Variants in SRGAP2 observed in about 807,000 individuals in gnomAD.
SRGAP2 encodes SLIT-ROBO Rho GTPase activating protein 2.
SRGAP2 carries 15 observed loss-of-function variants against 57.2 expected under a neutral mutation model. The ratio of observed to expected loss-of-function variants is 0.26; its 90% CI spans 0.18 to 0.40. The LOEUF (loss-of-function observed/expected upper bound fraction) is 0.40. Among genes scored for constraint, SRGAP2 ranks in the 10% least tolerant of loss-of-function variants. SRGAP2 has a pLI of 1.00. For missense variants in SRGAP2, 520 were observed against 669.6 expected, an observed-to-expected ratio of 0.78 and a Z score of 2.47; for synonymous variants, 249 against 248.0, an observed-to-expected ratio of 1.00 and a Z score of -0.04.
chr1:206,444,139 A>C (rs1311497095), intron 17 of SRGAP2, among the ~76,000 whole-genome samples: 8 of 151,978 alleles, frequency 5.3e-5, no homozygotes, highest in African/African-American at 1.9e-4. Flanking sequence ...TCAGTGAGCC[A>C]AGATTGTACC....
chr1:206,435,753 A>C (rs921627965), intron 14 of SRGAP2, among the ~76,000 whole-genome samples: 1 of 152,218 alleles, frequency 6.6e-6, no homozygotes, highest in Non-Finnish European at 1.5e-5. Flanking sequence ...CCAGAGAATG[A>C]GATTGTTGCC....
chr1:206,225,719 C>CT (rs1273046790), intron 2 of SRGAP2, among the ~76,000 whole-genome samples: 1 of 152,112 alleles, frequency 6.6e-6, no homozygotes, highest in African/African-American at 2.4e-5. Flanking sequence ...TTACCTTTCA[C>CT]TTTCAGAAAT....
intron 2 of SRGAP2, among the ~76,000 whole-genome samples, chr1:206,296,033 G>A (rs1415739591): frequency 6.7e-6 from 1 of 148,578 alleles, no homozygotes; most frequent in Non-Finnish European, 1.5e-5. Context: ...ACCATGCCTG[G>A]CCTAGGCAAA....
chr1:206,429,670 G>A (rs557039417), intron 13 of SRGAP2, among the ~76,000 whole-genome samples: 1 of 152,372 alleles, frequency 6.6e-6, no homozygotes, highest in African/African-American at 2.4e-5. Context: ...GCAAGGCCGT[G>A]TAAGAGAGTA....
intron 4 of SRGAP2, among the ~76,000 whole-genome samples, chr1:206,370,358 G>C (rs2103019317): frequency 6.6e-6 from 1 of 152,226 alleles, no homozygotes; most frequent in Admixed American, 6.5e-5. Flanking sequence ...TTAAAGTATG[G>C]CATACCTATA....
chr1:206,214,059 G>A (rs1666487309), intron 2 of SRGAP2, among the ~76,000 whole-genome samples: 1 of 152,102 alleles, frequency 6.6e-6, no homozygotes. Flanking sequence ...TACTCAGAAT[G>A]TTCTTAATAT....
intron 17 of SRGAP2, 53 bp downstream of exon 17, chr1:206,440,134 A>T: frequency 1.3e-6 from 1 of 765,824 alleles, no homozygotes; most frequent in South Asian, 1.4e-5. Flanking sequence ...TGGGCACTGG[A>T]AGTTCCTCTA....
chr1:206,412,438 G>C (rs1659301226), intron 10 of SRGAP2, among the ~76,000 whole-genome samples: 1 of 152,186 alleles, frequency 6.6e-6, no homozygotes, highest in Admixed American at 6.5e-5. Context: ...TTATTTTGGT[G>C]AATACCTAGA....
At chr1:206,203,808 C>T in intron 1 of SRGAP2, 158 bp downstream of exon 1, 1 of 1,531,706 alleles carries the variant, frequency 6.5e-7, no homozygotes, top group Non-Finnish European at 8.8e-7. Flanking sequence ...GCCCCCCCTC[C>T]ACCCTCTCCA....
intron 13 of SRGAP2, among the ~76,000 whole-genome samples, chr1:206,423,229 A>G (rs1660470278): frequency 6.6e-6 from 1 of 151,942 alleles, no homozygotes; most frequent in African/African-American, 2.4e-5. Flanking sequence ...CCTGGCCATG[A>G]CTTCATATCT....
chr1:206,354,629 A>G (rs1355643381), intron 4 of SRGAP2, among the ~76,000 whole-genome samples: 1 of 152,162 alleles, frequency 6.6e-6, no homozygotes, highest in Non-Finnish European at 1.5e-5. Context: ...GTATGTTATA[A>G]ATAATGCTGC....
At chr1:206,347,211 CA>C (rs1369848771) in intron 4 of SRGAP2, among the ~76,000 whole-genome samples, 1 of 150,292 alleles carries the variant, frequency 6.7e-6, no homozygotes, top group Non-Finnish European at 1.5e-5. Flanking sequence ...ATAATCATGC[CA>C]CTGTACTCTA....
chr1:206,319,074 CT>C (rs1283943886), intron 3 of SRGAP2, among the ~76,000 whole-genome samples: 2 of 151,944 alleles, frequency 1.3e-5, no homozygotes, highest in Non-Finnish European at 2.9e-5. Context: ...GGATTTTAAC[CT>C]GATACTTTCT....
chr1:206,210,072 G>A (rs1182336020), intron 2 of SRGAP2, among the ~76,000 whole-genome samples: 1 of 147,844 alleles, frequency 6.8e-6, no homozygotes, highest in Non-Finnish European at 1.5e-5. Context: ...CAGATTCATG[G>A]TCATAAACTG....
At chr1:206,417,471 G>A (rs142349809) in intron 11 of SRGAP2, among the ~76,000 whole-genome samples, 1 of 145,038 alleles carries the variant, frequency 6.9e-6, no homozygotes, top group African/African-American at 2.6e-5. Context: ...AGGCTGGAGT[G>A]CAGTGGTGTG....
At chr1:206,436,446 G>A (rs1661764247) in intron 14 of SRGAP2, among the ~76,000 whole-genome samples, 1 of 151,606 alleles carries the variant, frequency 6.6e-6, no homozygotes, top group Non-Finnish European at 1.5e-5. Flanking sequence ...TAACTTCCAG[G>A]TTCAAGTGAA....
intron 12 of SRGAP2, 85 bp from the exon 13 acceptor site, chr1:206,421,165 A>G (rs1465987762): frequency 3.0e-5 from 21 of 701,982 alleles, no homozygotes; most frequent in Non-Finnish European, 4.7e-5. Context: ...TTTAAGAGTG[A>G]TTGTTTATCT....
chr1:206,457,820 G>A (rs1196342096), intron 21 of SRGAP2, among the ~76,000 whole-genome samples: 1 of 152,180 alleles, frequency 6.6e-6, no homozygotes, highest in East Asian at 1.9e-4. Context: ...GATCAGAGCT[G>A]TTCAGCAGCC....
In SRGAP2 at chr1:206,454,988, G is replaced by C; in HGVS notation, c.2471G>C (p.Gly824Ala). Residue 824 changes from glycine (G) to alanine (A), a missense_variant, in exon 21 of 23, where the codon GGT (glycine) becomes GCT (alanine). Transcript: ENST00000573034. This position sits in a 1 kb window ranked among gnomAD's most constrained non-coding sequence, Gnocchi z 4.3. ...ARAGASCPSG[G>A]HVADIYLANI... is the part of the protein sequence containing the mutation. The stretch of plus-strand genomic sequence containing the variant: ...GCGGGGGCCAGCTGTCCCAGTGGGG[G>C]TCATGTAGCCGATATTTATCTTGCA... 2.6e-6 allele frequency: 2 copies of C among 780,918 alleles called. No individual in the cohort carries two copies. The highest frequency in any genetic ancestry group is 4.8e-6 in the Non-Finnish European group (2 of 417,988). 48.4% of individuals were successfully genotyped at this position (780,918 alleles called of 1,614,324 possible).
Sources: gnomAD v4.1 joint callset for allele counts (sites outside exome capture counted in the v4.1 genomes callset) on GRCh38, gnomAD v4.1.1 for gene constraint, Gnocchi (gnomAD v3.1) non-coding constraint, MANE v1.5 for transcripts, NCBI Gene and HGNC (gene_info 2026-07-23, HGNC 2026-07-21) for gene names.